Variants in CHUK observed in about 807,000 individuals in gnomAD.
CHUK encodes inhibitor of nuclear factor kappa-B kinase subunit alpha.
A neutral mutation model predicts 104.8 loss-of-function variants in CHUK; 35 were observed. The observed-to-expected ratio is 0.33, with a 90% CI of 0.26 to 0.44. CHUK has a LOEUF of 0.44. Among genes scored for constraint, CHUK ranks in the 20% least tolerant of loss-of-function variants. The probability of loss-of-function intolerance (pLI) is 1.00; values close to 1 mark genes in which losing one functional copy is unlikely to be tolerated. For missense variants in CHUK, 663 were observed against 902.7 expected (o/e 0.73, Z 3.40); for synonymous variants, 276 against 291.9 (o/e 0.95, Z 0.56).
intron 11 of CHUK, 104 bp downstream of exon 11, chr10:100,207,126 G>T (rs1845606721): frequency 1.4e-6 from 1 of 719,850 alleles, no homozygotes; most frequent in Non-Finnish European, 2.5e-6. Flanking sequence ...TCAAGTATGA[G>T]ATACAGAACA....
chr10:100,215,238 A>T (rs1845828785), intron 9 of CHUK, among the ~76,000 whole-genome samples: 1 of 149,652 alleles, frequency 6.7e-6, no homozygotes, highest in South Asian at 2.1e-4. Context: ...AAAAAAAAAG[A>T]AGTAGATTTA....
intron 16 of CHUK, among the ~76,000 whole-genome samples, chr10:100,199,688 T>C (rs1171206848): frequency 6.6e-6 from 1 of 152,186 alleles, no homozygotes; most frequent in Non-Finnish European, 1.5e-5. Context: ...TTCTTGCTGC[T>C]TTTTCCTCTC....
intron 15 of CHUK, 103 bp downstream of exon 15, chr10:100,200,568 A>G (rs1318051974): frequency 5.5e-6 from 4 of 722,210 alleles, no homozygotes; most frequent in Non-Finnish European, 1.0e-5. Context: ...GGGGAAAGGA[A>G]AACTATAGAA....
chr10:100,193,197 C>T, intron 19 of CHUK, 101 bp downstream of exon 19: 5 of 1,318,024 alleles, frequency 3.8e-6, no homozygotes, highest in Non-Finnish European at 5.5e-6. Context: ...CAGGACTCAA[C>T]CCTGGTCTGA....
chr10:100,190,815 A>G, intron 20 of CHUK, 54 bp downstream of exon 20: 1 of 995,554 alleles, frequency 1.0e-6, no homozygotes, highest in Non-Finnish European at 1.6e-6. Flanking sequence ...GGAAAGTTAA[A>G]CCTTTTGCAC....
Position 100,222,919 on chromosome 10 carries a change from G to C in CHUK, c.262C>G (p.His88Asp). ...DVPEELNILI[H>D]DVPLLAMEYC... ...TCCATTGCTAGAAGAGGCACATCAT[G>C]AATCAAAATATTCAATTCTTCAGGA... The change falls in exon 3 of 21, where the codon CAT (histidine) becomes GAT (aspartate). Residue 88 changes from histidine to aspartate, a missense_variant. His to Asp is a moderately conservative substitution (Grantham distance 81). This residue lies in a region of CHUK where 200 missense variants were observed against 333.0 expected (regional missense o/e 0.60). Coordinates refer to ENST00000370397, the MANE Select transcript of CHUK (RefSeq NM_001278.5). 6.2e-7 allele frequency: 1 copy of C among 1,609,344 alleles called. No individual in the cohort carries two copies. Among genetic ancestry groups the C allele is most frequent in the Non-Finnish European group, 8.5e-7 (1 of 1,176,008 alleles).
intron 19 of CHUK, 133 bp from the exon 20 acceptor site, chr10:100,191,101 G>T: frequency 1.4e-6 from 1 of 706,806 alleles, no homozygotes; most frequent in Non-Finnish European, 2.6e-6. Flanking sequence ...GTTGACTCCT[G>T]TAGTCTTTAG....
At chr10:100,217,731 G>T (rs186466282) in intron 9 of CHUK, among the ~76,000 whole-genome samples, 1 of 152,246 alleles carries the variant, frequency 6.6e-6, no homozygotes, top group East Asian at 1.9e-4. Flanking sequence ...ACAAAAATTA[G>T]CTGGGCATGG....
chr10:100,204,981 T>A, intron 12 of CHUK, 95 bp downstream of exon 12: 1 of 1,403,212 alleles, frequency 7.1e-7, no homozygotes, highest in Non-Finnish European at 1.0e-6. Flanking sequence ...TATGTTACTA[T>A]TACATGCAAT....
chr10:100,219,567 T>A (rs1845939320), intron 5 of CHUK, among the ~76,000 whole-genome samples: 1 of 152,202 alleles, frequency 6.6e-6, no homozygotes, highest in African/African-American at 2.4e-5. Flanking sequence ...TCTAATTGGA[T>A]GACTAACAGT....
intron 2 of CHUK, among the ~76,000 whole-genome samples, chr10:100,224,086 ACTCTCTCT>A (rs3884083): frequency 1.1e-4 from 16 of 148,318 alleles, no homozygotes; most frequent in African/African-American, 3.7e-4. Flanking sequence ...TCGCTCGTTC[ACTCTCTCT>A]CTCTCTCTCT....
rs755381084 is a variant in CHUK at position 100,204,531 on chromosome 10, G to A, written c.1482C>T (p.Tyr494=). Reference sequence around the variant, plus strand: ...ATATCCCATACGTCATCTGCTCGCTGTATCTCTCCAAGTCAAGCTGAATGC... The same window carrying A: ...ATATCCCATACGTCATCTGCTCGCTATATCTCTCCAAGTCAAGCTGAATGC... ...HKSIQLDLER[Y]SEQMTYGISS... is the part of the protein sequence containing the mutation. The change falls in exon 13 of 21, where the codon TAC becomes TAT. Residue 494 remains tyrosine, a synonymous_variant. Transcript: ENST00000370397. The A allele has an allele frequency of 3.7e-6, 6 of 1,613,386 alleles. No homozygotes were observed. The African/African-American group carries it at 4.0e-5, about 11-fold the overall frequency.
chr10:100,190,903 T>C lies in CHUK; in HGVS notation c.2174A>G (p.His725Arg). The change falls in exon 20 of 21, where the codon CAT (histidine) becomes CGT (arginine). Residue 725 changes from histidine (H) to arginine (R), a missense_variant. By Grantham distance (29) the His-to-Arg change is conservative. Transcript: ENST00000370397. Reference protein sequence around the residue: ...NCLGHLSTIIHEANEEQGNSM... With the variant: ...NCLGHLSTIIREANEEQGNSM... ...ATTGCCCTGTTCCTCATTTGCCTCA[T>C]GAATAATAGTGCTTAAATGGCCAAG... is the stretch of plus-strand genomic sequence containing the variant. The C allele has an allele frequency of 6.2e-7, 1 of 1,612,010 alleles. No homozygotes were observed. The highest frequency in any genetic ancestry group is 1.7e-4 in the Middle Eastern group (1 of 6,054).
intron 5 of CHUK, among the ~76,000 whole-genome samples, chr10:100,220,201 CATGT>C (rs1053122278): frequency 1.3e-5 from 2 of 151,672 alleles, no homozygotes; most frequent in Admixed American, 1.3e-4. Context: ...CCAGGATGTG[CATGT>C]ATGTGTTTTG....
At chr10:100,217,720 T>C (rs574285800) in intron 9 of CHUK, among the ~76,000 whole-genome samples, 1 of 152,162 alleles carries the variant, frequency 6.6e-6, no homozygotes, top group South Asian at 2.1e-4. Flanking sequence ...CTACTAAAAA[T>C]ACAAAAATTA....
At chr10:100,209,883 A>G in intron 9 of CHUK, 94 bp from the exon 10 acceptor site, 2 of 651,494 alleles carry the variant, frequency 3.1e-6, no homozygotes. Context: ...GGCAAAAGGC[A>G]TTATTTCTAC....
chr10:100,226,863 C>G (rs7919404), intron 1 of CHUK, among the ~76,000 whole-genome samples: 1,799 of 152,090 alleles, frequency 0.012, 35 homozygotes, highest in African/African-American at 0.042. Flanking sequence ...GGTGGGGAAG[C>G]AAGACATAGC....
chr10:100,211,055 C>G (rs148090855), intron 9 of CHUK, among the ~76,000 whole-genome samples: 6 of 152,332 alleles, frequency 3.9e-5, no homozygotes, highest in Non-Finnish European at 7.4e-5. Context: ...ATCCTTACTA[C>G]AAAGGTAAGG....
chr10:100,190,248 TGG>T (rs1304789103), intron 20 of CHUK: 1 of 156,866 alleles, frequency 6.4e-6, no homozygotes, highest in Admixed American at 6.3e-5. Context: ...CTCAAACTCC[TGG>T]GCTCAAGCAA....
Sources: gnomAD v4.1 joint callset for allele counts (sites outside exome capture counted in the v4.1 genomes callset) on GRCh38, gnomAD v4.1.1 for gene constraint, gnomAD v4.1.1 regional missense constraint, MANE v1.5 for transcripts, NCBI Gene and HGNC (gene_info 2026-07-23, HGNC 2026-07-21) for gene names.